The following FNDC3B variants were observed in gnomAD, a reference collection of about 807,000 sequenced individuals.
FNDC3B encodes fibronectin type III domain containing 3B.
In FNDC3B, 12 loss-of-function variants were observed where a neutral mutation model predicts 151.5. That is an observed-to-expected ratio of 0.08 (90% CI 0.05 to 0.13). The LOEUF (loss-of-function observed/expected upper bound fraction) is 0.13. Among genes scored for constraint, FNDC3B ranks in the 10% least tolerant of loss-of-function variants. FNDC3B has a pLI of 1.00. For synonymous variants in FNDC3B, 528 were observed against 549.0 expected (o/e 0.96, Z 0.54); for missense variants, 1,214 against 1,505.3 (o/e 0.81, Z 3.20).
chr3:172,104,657 C>G (rs1018339709), intron 1 of FNDC3B, among the ~76,000 whole-genome samples: 1 of 152,106 alleles, frequency 6.6e-6, no homozygotes, highest in African/African-American at 2.4e-5. Flanking sequence ...TCCACATGGG[C>G]AGAGCCAATG....
intron 3 of FNDC3B, among the ~76,000 whole-genome samples, chr3:172,162,274 C>T (rs1044520745): frequency 1.3e-5 from 2 of 152,128 alleles, no homozygotes; most frequent in South Asian, 2.1e-4. Flanking sequence ...CCACCGCGCC[C>T]GGCCTCTTAG....
intron 2 of FNDC3B, among the ~76,000 whole-genome samples, chr3:172,115,656 T>A (rs917731022): frequency 1.3e-5 from 2 of 152,180 alleles, no homozygotes; most frequent in African/African-American, 4.8e-5. Context: ...GGATTGACTC[T>A]AGGGGTGGAC....
At chr3:172,185,148 A>G (rs906030023) in intron 3 of FNDC3B, among the ~76,000 whole-genome samples, 1 of 152,190 alleles carries the variant, frequency 6.6e-6, no homozygotes, top group African/African-American at 2.4e-5. Context: ...ACACTGAACA[A>G]TCTCCACTCC....
At position 172,335,062 on chromosome 3, in the gene FNDC3B, A is replaced by T. The variant is rs1732889221; in HGVS notation, c.1760A>T (p.His587Leu). 6.3e-7 allele frequency: 1 copy of T among 1,599,078 alleles called. No individual in the cohort carries two copies. The highest frequency in any genetic ancestry group is 8.5e-7 in the Non-Finnish European group (1 of 1,169,670). Residue 587 changes from histidine to leucine, a missense_variant, in exon 15 of 26, where the codon CAT becomes CTT. Physicochemically the swap from His to Leu is moderately conservative, Grantham distance 99 (BLOSUM62 -3). Coordinates refer to ENST00000415807, the MANE Select transcript of FNDC3B (RefSeq NM_022763.4). ...CTTGTCAAAGGCCCAGTTACATCTC[A>T]TGGCTTTAGTGTCAAATGGGGTATG... is the stretch of plus-strand genomic sequence containing the variant. ...RPLVKGPVTS[H>L]GFSVKWDPPK...
rs942316430 is a variant in FNDC3B at position 172,308,821 on chromosome 3, C to A, written c.1200+1320C>A. Among the ~76,000 whole-genome samples the A allele has an allele frequency of 4.6e-5, 7 of 152,252 alleles. No homozygotes were observed. The East Asian group carries it at 1.3e-3, about 29-fold the overall frequency. ...GTTTAATTCCTTAGAGTATACACAT[C>A]CATTTAAAAAATGTGCTCTATATTT... On this transcript the variant is annotated intron_variant, in intron 10 of 25. Coordinates refer to ENST00000415807, the MANE Select transcript of FNDC3B (RefSeq NM_022763.4).
Position 172,385,360 on chromosome 3 carries a change from G to A in FNDC3B, c.3303+4267G>A, listed in dbSNP as rs75694332. 3.4e-3 allele frequency among the ~76,000 whole-genome samples: 510 copies of A among 152,176 alleles called. 17 individuals carry two copies. The East Asian group carries it at 0.081, about 24-fold the overall frequency. ...CTAATCAGACAGGACCCACTAATAC[G>A]TGGGCTTGTGTTATTCATTTTTATT... On this transcript the variant is annotated intron_variant, in intron 25 of 25. Transcript: ENST00000415807.
chr3:172,244,970 G>T (rs1244942928), intron 4 of FNDC3B, among the ~76,000 whole-genome samples: 2 of 152,008 alleles, frequency 1.3e-5, no homozygotes, highest in Admixed American at 1.3e-4. Flanking sequence ...GATAAGACAG[G>T]CTTGGGTTTG....
At chr3:172,369,975 CAT>C (rs1368414681) in intron 23 of FNDC3B, among the ~76,000 whole-genome samples, 1 of 151,554 alleles carries the variant, frequency 6.6e-6, no homozygotes, top group Non-Finnish European at 1.5e-5. Context: ...AAAAAAAAGA[CAT>C]GTCATTTTTA....
intron 6 of FNDC3B, among the ~76,000 whole-genome samples, chr3:172,257,615 C>A (rs71308602): frequency 6.6e-6 from 1 of 151,150 alleles, no homozygotes. Flanking sequence ...CACACGCACT[C>A]TGAAAGCAGA....
At chr3:172,164,460 A>G (rs190209446) in intron 3 of FNDC3B, among the ~76,000 whole-genome samples, 326 of 152,316 alleles carry the variant, frequency 2.1e-3, no homozygotes, top group Middle Eastern at 0.014. Flanking sequence ...GTCAGAGTGT[A>G]CATGTGGGCC....
chr3:172,097,062 G>C (rs1719125218), intron 1 of FNDC3B, among the ~76,000 whole-genome samples: 1 of 152,206 alleles, frequency 6.6e-6, no homozygotes, highest in Admixed American at 6.5e-5. Flanking sequence ...AGCTAAGTAA[G>C]TATGTAACAG....
intron 3 of FNDC3B, among the ~76,000 whole-genome samples, chr3:172,143,336 T>G (rs1215100058): frequency 6.6e-6 from 1 of 152,172 alleles, no homozygotes; most frequent in East Asian, 1.9e-4. Flanking sequence ...CTCTTACCTG[T>G]AAAAATGCAT....
Position 172,310,849 on chromosome 3 carries a change from A to C in FNDC3B, c.1222A>C (p.Lys408Gln). The C allele has an allele frequency of 6.2e-7, 1 of 1,612,636 alleles. No individual in the cohort carries two copies. Among genetic ancestry groups the C allele is most frequent in the Non-Finnish European group, 8.5e-7 (1 of 1,178,572 alleles). Residue 408 changes from lysine (K) to glutamine (Q), a missense_variant, in exon 11 of 26, where the codon AAA (lysine) becomes CAA (glutamine). Around this residue, in one of 7 missense-constraint regions of FNDC3B, gnomAD observed 156 missense variants for 225.3 expected, o/e 0.69. Coordinates refer to ENST00000415807, the MANE Select transcript of FNDC3B (RefSeq NM_022763.4). The part of the protein sequence containing the change: ...QWKAPIDNGS[K>Q]ITNYLLEWDE... ...TTAGGCACCAATTGACAACGGTTCAAAAATCACCAACTACCTTTTAGAGTG... is the reference window on the plus strand; with the variant it reads ...TTAGGCACCAATTGACAACGGTTCACAAATCACCAACTACCTTTTAGAGTG...
chr3:172,125,662 G>A (rs1021703613), intron 2 of FNDC3B, among the ~76,000 whole-genome samples: 4 of 152,172 alleles, frequency 2.6e-5, no homozygotes, highest in African/African-American at 9.7e-5. Context: ...ACATTAGGTG[G>A]TTTTTCATTC....
At chr3:172,262,523 G>A (rs1369673535) in intron 6 of FNDC3B, among the ~76,000 whole-genome samples, 1 of 152,092 alleles carries the variant, frequency 6.6e-6, no homozygotes, top group African/African-American at 2.4e-5. Flanking sequence ...AGGTTTTTTT[G>A]AATATGACTT....
chr3:172,043,241 T>A (rs1716183618), intron 1 of FNDC3B, among the ~76,000 whole-genome samples: 1 of 152,208 alleles, frequency 6.6e-6, no homozygotes, highest in Non-Finnish European at 1.5e-5. Flanking sequence ...TTGTAATTAT[T>A]TTAAACTTAA....
chr3:172,067,911 T>C (rs1218025576), intron 1 of FNDC3B, among the ~76,000 whole-genome samples: 3 of 152,220 alleles, frequency 2.0e-5, no homozygotes, highest in African/African-American at 2.4e-5. Context: ...AGAATACTTA[T>C]GACTCCTGAG....
chr3:172,322,592 T>A (rs1473241894), intron 11 of FNDC3B, among the ~76,000 whole-genome samples: 1 of 152,214 alleles, frequency 6.6e-6, no homozygotes, highest in African/African-American at 2.4e-5. Flanking sequence ...TTAACAAATA[T>A]TTTTTTCTTT....
intron 1 of FNDC3B, among the ~76,000 whole-genome samples, chr3:172,099,584 C>T (rs182869010): frequency 2.6e-5 from 4 of 152,298 alleles, no homozygotes; most frequent in African/African-American, 9.6e-5. Context: ...AAGTCTCCAC[C>T]TCTCCTGTAC....
Sources: gnomAD v4.1 joint callset for allele counts (sites outside exome capture counted in the v4.1 genomes callset) on GRCh38, gnomAD v4.1.1 for gene constraint, gnomAD v4.1.1 regional missense constraint, MANE v1.5 for transcripts, NCBI Gene and HGNC (gene_info 2026-07-23, HGNC 2026-07-21) for gene names.